Variants in ADAMTSL1 observed in about 807,000 individuals in gnomAD.
ADAMTSL1 encodes the protein ADAMTS-like protein 1.
ADAMTSL1 carries 126 observed loss-of-function variants against 201.8 expected under a neutral mutation model. That is an observed-to-expected ratio of 0.62 (90% CI 0.54 to 0.72). The LOEUF (loss-of-function observed/expected upper bound fraction) is 0.72, where lower values mean the gene tolerates loss of function less well. ADAMTSL1 is among the 30% of genes least tolerant of loss of function. The probability of loss-of-function intolerance (pLI) is 0.00; values close to 1 mark genes in which losing one functional copy is unlikely to be tolerated. For synonymous variants in ADAMTSL1, 1,121 were observed against 903.4 expected (o/e 1.24, Z -4.32); for missense variants, 2,679 against 2,277.8 (o/e 1.18, Z -3.59).
intron 26 of ADAMTSL1, among the ~76,000 whole-genome samples, chr9:18,903,218 A>G (rs1300404723): frequency 6.6e-6 from 1 of 152,226 alleles, no homozygotes; most frequent in Non-Finnish European, 1.5e-5. Context: ...AAAAGAAAAA[A>G]GAAACCAAGT....
At chr9:18,779,384 CT>C (rs1821250568) in intron 19 of ADAMTSL1, among the ~76,000 whole-genome samples, 3 of 152,196 alleles carry the variant, frequency 2.0e-5, no homozygotes, top group South Asian at 4.1e-4. Flanking sequence ...AGTATTATTT[CT>C]TTGTGCTCCA....
intron 2 of ADAMTSL1, among the ~76,000 whole-genome samples, chr9:18,465,742 T>G (rs1189578482): frequency 6.6e-6 from 1 of 151,796 alleles, no homozygotes; most frequent in South Asian, 2.1e-4. Flanking sequence ...TATCTTTTTG[T>G]TTTGTTTTGT....
intron 1 of ADAMTSL1, among the ~76,000 whole-genome samples, chr9:18,052,051 A>G (rs1821963918): frequency 6.6e-6 from 1 of 152,252 alleles, no homozygotes; most frequent in South Asian, 2.1e-4. Context: ...TAAACAGATC[A>G]AAGTAGAGCT....
chr9:18,425,904 G>A (rs1384570497), intron 2 of ADAMTSL1, among the ~76,000 whole-genome samples: 3 of 151,136 alleles, frequency 2.0e-5, no homozygotes, highest in East Asian at 3.9e-4. Flanking sequence ...GGAAAGTGAG[G>A]AGAAAAGATG....
intron 2 of ADAMTSL1, among the ~76,000 whole-genome samples, chr9:18,239,282 G>T (rs990828079): frequency 6.6e-6 from 1 of 152,186 alleles, no homozygotes; most frequent in African/African-American, 2.4e-5. Flanking sequence ...GATGCTGTTT[G>T]ATGGCATTTT....
At chr9:17,939,808 A>T (rs759870743) in intron 1 of ADAMTSL1, among the ~76,000 whole-genome samples, 1 of 152,206 alleles carries the variant, frequency 6.6e-6, no homozygotes, top group Admixed American at 6.5e-5. Context: ...GAACAGAGGC[A>T]TGTATAAATT....
intron 2 of ADAMTSL1, among the ~76,000 whole-genome samples, chr9:18,171,201 A>G (rs1280599833): frequency 6.6e-6 from 1 of 152,074 alleles, no homozygotes; most frequent in Non-Finnish European, 1.5e-5. Flanking sequence ...AAGAACCTAT[A>G]AATAGACACA....
At chr9:18,473,479 T>C (rs1044831057), upstream of ADAMTSL1, among the ~76,000 whole-genome samples, 3 of 152,190 alleles carry the variant, frequency 2.0e-5, no homozygotes, top group African/African-American at 7.2e-5. Context: ...TTGCTTTGTT[T>C]TTTTCCCCCC....
Position 18,680,514 on chromosome 9 carries a change from C to T in ADAMTSL1, c.1339C>T (p.Pro447Ser), listed in dbSNP as rs753548672. 3.9e-5 allele frequency: 63 copies of T among 1,613,876 alleles called. No individual in the cohort carries two copies. Among genetic ancestry groups the T allele is most frequent in the Middle Eastern group, 1.6e-4 (1 of 6,084 alleles). ...TAAATGGCTGGCACAGGAGTGGTCT[C>T]CGGTAACTGTGCCTTCTTTCTTTGT... ...CPKWLAQEWS[P>S]CTVTCGQGLR... The change falls in exon 11 of 29, where the codon CCG (proline) becomes TCG (serine). Residue 447 changes from proline to serine, a missense_variant and splice_region_variant. Physicochemically the swap from Pro to Ser is moderately conservative, Grantham distance 74 (BLOSUM62 -1). Transcript: ENST00000380548.
chr9:18,096,031 A>T (rs933181513), intron 1 of ADAMTSL1, among the ~76,000 whole-genome samples: 1 of 152,142 alleles, frequency 6.6e-6, no homozygotes, highest in African/African-American at 2.4e-5. Context: ...TGTCAGGAGC[A>T]TAGGGGATAA....
chr9:18,898,198 A>G (rs1445046568), intron 26 of ADAMTSL1, among the ~76,000 whole-genome samples: 1 of 152,196 alleles, frequency 6.6e-6, no homozygotes, highest in Non-Finnish European at 1.5e-5. Flanking sequence ...CAAAAAAAGA[A>G]GGTGGGTAAT....
chr9:18,394,101 A>C (rs1817648897), intron 2 of ADAMTSL1, among the ~76,000 whole-genome samples: 1 of 152,222 alleles, frequency 6.6e-6, no homozygotes, highest in Non-Finnish European at 1.5e-5. Context: ...GATGATGGTT[A>C]CGCAGCGAAA....
chr9:18,640,649 T>C (rs1827380786), intron 7 of ADAMTSL1, among the ~76,000 whole-genome samples: 1 of 151,986 alleles, frequency 6.6e-6, no homozygotes, highest in African/African-American at 2.4e-5. Context: ...ACCTGCTTTA[T>C]CATCTTTATT....
rs78427437 is a variant in ADAMTSL1 at position 18,905,098 on chromosome 9, G to A, written c.4852-684G>A. Among the ~76,000 whole-genome samples the A allele has an allele frequency of 8.0e-3, 1,211 of 152,264 alleles. 26 individuals are homozygous for A. The highest frequency in any genetic ancestry group is 0.027 in the African/African-American group (1,128 of 41,546). ...TTCTAAAGTGACCTCCATGGGATGC[G>A]TATCCTCTTGTTTTACTGAAATAGC... On this transcript the variant is annotated intron_variant, in intron 26 of 28. Coordinates refer to ENST00000380548, the MANE Select transcript of ADAMTSL1 (RefSeq NM_001040272.6).
intron 2 of ADAMTSL1, among the ~76,000 whole-genome samples, chr9:18,357,408 A>G (rs1023062645): frequency 2.6e-5 from 4 of 152,292 alleles, no homozygotes; most frequent in Admixed American, 2.6e-4. Flanking sequence ...CAGAACATGA[A>G]AAAGGATGAG....
chr9:18,425,969 A>G (rs1420738092), intron 2 of ADAMTSL1, among the ~76,000 whole-genome samples: 1 of 152,076 alleles, frequency 6.6e-6, no homozygotes, highest in Admixed American at 6.6e-5. Context: ...TGAGACCATG[A>G]GAGAAAAATT....
At chr9:18,530,669 A>G (rs113419907) in intron 2 of ADAMTSL1, among the ~76,000 whole-genome samples, 1 of 152,208 alleles carries the variant, frequency 6.6e-6, no homozygotes, top group East Asian at 1.9e-4. Flanking sequence ...TTTTACATCT[A>G]TTATGTACTT....
At chr9:18,374,023 T>A (rs1837173656) in intron 2 of ADAMTSL1, among the ~76,000 whole-genome samples, 1 of 152,166 alleles carries the variant, frequency 6.6e-6, no homozygotes. Context: ...CTGCTACACC[T>A]CAGAATCACC....
At chr9:17,939,127 A>G (rs956691301) in intron 1 of ADAMTSL1, among the ~76,000 whole-genome samples, 1 of 152,112 alleles carries the variant, frequency 6.6e-6, no homozygotes, top group Non-Finnish European at 1.5e-5. Flanking sequence ...TTATTTATAC[A>G]GTTTCACAAT....
Sources: gnomAD v4.1 joint callset for allele counts (sites outside exome capture counted in the v4.1 genomes callset) on GRCh38, gnomAD v4.1.1 for gene constraint, MANE v1.5 for transcripts, NCBI Gene and HGNC (gene_info 2026-07-23, HGNC 2026-07-21) for gene names.